NRG1: variants seen among roughly 807,000 people sequenced by gnomAD.
NRG1 encodes neuregulin 1, also known as pro-neuregulin-1, membrane-bound isoform.
In NRG1, 18 loss-of-function variants were observed where a neutral mutation model predicts 63.8. The observed-to-expected ratio is 0.28, with a 90% CI of 0.19 to 0.42. NRG1 has a LOEUF of 0.42. NRG1 is among the 10% of genes least tolerant of loss of function. The pLI is 1.00. For synonymous variants in NRG1, 302 were observed against 301.3 expected (o/e 1.00, Z -0.02); for missense variants, 762 against 814.7 (o/e 0.94, Z 0.79).
At chr8:32,203,281 G>A (rs531440642) in intron 1 of NRG1, among the ~76,000 whole-genome samples, 2 of 149,520 alleles carry the variant, frequency 1.3e-5, no homozygotes, top group South Asian at 4.3e-4. Flanking sequence ...AAGAAGAAAG[G>A]AAGAGAGAAA....
intron 1 of NRG1, among the ~76,000 whole-genome samples, chr8:32,462,254 C>T (rs1822408735): frequency 6.6e-6 from 1 of 152,130 alleles, no homozygotes; most frequent in Non-Finnish European, 1.5e-5. Flanking sequence ...GAGTGGCAAC[C>T]TCTGATTGGT....
At chr8:31,903,897 G>A (rs1022171167) in intron 1 of NRG1, among the ~76,000 whole-genome samples, 1 of 152,106 alleles carries the variant, frequency 6.6e-6, no homozygotes, top group African/African-American at 2.4e-5. Context: ...GATGTGGTGA[G>A]TTGAGATCAC....
chr8:31,663,937 C>T (rs1349703485), intron 1 of NRG1, among the ~76,000 whole-genome samples: 5 of 152,100 alleles, frequency 3.3e-5, no homozygotes, highest in Non-Finnish European at 7.3e-5. Context: ...ATTTTATCCA[C>T]ACCTCAAGCT....
chr8:32,535,891 CT>C (rs1455279859), intron 1 of NRG1, among the ~76,000 whole-genome samples: 4 of 152,158 alleles, frequency 2.6e-5, no homozygotes, highest in Non-Finnish European at 5.9e-5. Flanking sequence ...AGTAAAATGC[CT>C]GCCCAAATCC....
chr8:32,166,639 A>G (rs549073713), intron 1 of NRG1, among the ~76,000 whole-genome samples: 1 of 152,310 alleles, frequency 6.6e-6, no homozygotes, highest in East Asian at 1.9e-4. Context: ...GGGAGACAAC[A>G]TGGACCTCCC....
At position 31,730,228 on chromosome 8, in the gene NRG1, T is replaced by C. The variant is rs1813885572; in HGVS notation, c.37+90797T>C. Among the ~76,000 whole-genome samples, 6 of 152,208 alleles carry C rather than the reference T, an allele frequency of 3.9e-5. No homozygotes were observed. In the South Asian group the frequency reaches 1.2e-3, roughly 31 times the overall value. The stretch of plus-strand genomic sequence containing the variant: ...TCTGTAACCAAGATTCTGATAATTG[T>C]TGAGGAAGTAGTGAATTCAAGCTTA... On this transcript the variant is annotated intron_variant, in intron 1 of 10. Coordinates refer to the NRG1 transcript ENST00000519301.
intron 1 of NRG1, among the ~76,000 whole-genome samples, chr8:32,462,851 G>A (rs1433971920): frequency 6.6e-6 from 1 of 151,960 alleles, no homozygotes; most frequent in African/African-American, 2.4e-5. Flanking sequence ...TGATCCGCCT[G>A]CCTTGGCCTC....
intron 1 of NRG1, among the ~76,000 whole-genome samples, chr8:32,357,720 C>G (rs1554517551): frequency 6.6e-6 from 1 of 151,966 alleles, no homozygotes; most frequent in Non-Finnish European, 1.5e-5. Flanking sequence ...GACAATTTAT[C>G]TATTCACTAA....
chr8:32,212,082 A>G (rs570358996), intron 1 of NRG1, among the ~76,000 whole-genome samples: 12 of 152,196 alleles, frequency 7.9e-5, no homozygotes, highest in African/African-American at 2.9e-4. Context: ...TAACACAGGG[A>G]TATTAGGTAA....
chr8:32,488,518 G>T (rs1826168933), intron 1 of NRG1, among the ~76,000 whole-genome samples: 1 of 152,158 alleles, frequency 6.6e-6, no homozygotes, highest in Non-Finnish European at 1.5e-5. Context: ...GCTCACATCT[G>T]TAATCCTAGC....
chr8:31,811,302 A>G (rs1822861623), intron 1 of NRG1, among the ~76,000 whole-genome samples: 1 of 152,012 alleles, frequency 6.6e-6, no homozygotes, highest in Non-Finnish European at 1.5e-5. Flanking sequence ...CTTCTAGTAG[A>G]TTTCTCCTGT....
intron 1 of NRG1, among the ~76,000 whole-genome samples, chr8:32,170,208 A>G (rs1197157816): frequency 2.0e-5 from 3 of 152,178 alleles, no homozygotes; most frequent in Non-Finnish European, 4.4e-5. Flanking sequence ...AATCTGTGAT[A>G]CTCTGTTACA....
rs992472952 is a variant in NRG1 at position 32,708,734 on chromosome 8, C to G, written c.503-19215C>G. 5.9e-5 allele frequency among the ~76,000 whole-genome samples: 9 copies of G among 152,194 alleles called. No homozygotes were observed. The South Asian group carries it at 6.2e-4, about 11-fold the overall frequency. ...GTTGAAGTCACACAATAATTCTTTC[C>G]TTTCTCTCGGTTTCTCTCTTTTAAG... On this transcript the variant is annotated intron_variant, in intron 5 of 11. Coordinates refer to ENST00000356819, the Ensembl canonical transcript of NRG1.
chr8:32,448,408 T>C (rs554728804), intron 1 of NRG1, among the ~76,000 whole-genome samples: 10 of 152,326 alleles, frequency 6.6e-5, no homozygotes, highest in African/African-American at 1.9e-4. Flanking sequence ...GGGCTTAAAT[T>C]AGTGTAATCT....
At chr8:32,306,041 T>C (rs1023082322) in intron 1 of NRG1, among the ~76,000 whole-genome samples, 2 of 151,586 alleles carry the variant, frequency 1.3e-5, no homozygotes, top group African/African-American at 4.8e-5. Flanking sequence ...GCAGCTCAAG[T>C]ATCTTAGCAG....
At chr8:32,049,256 T>C (rs79957718) in intron 1 of NRG1, among the ~76,000 whole-genome samples, 8,471 of 152,158 alleles carry the variant, frequency 0.056, 786 homozygotes, top group African/African-American at 0.19. Flanking sequence ...TTGCTTGTAT[T>C]TAATCTTTCC....
At chr8:32,620,351 T>C (rs1848109012) in intron 5 of NRG1, among the ~76,000 whole-genome samples, 1 of 151,886 alleles carries the variant, frequency 6.6e-6, no homozygotes, top group Non-Finnish European at 1.5e-5. Context: ...CTCTCTGAAG[T>C]AGTATGGATT....
intron 1 of NRG1, among the ~76,000 whole-genome samples, chr8:32,002,702 G>A (rs1813130022): frequency 6.6e-6 from 1 of 152,036 alleles, no homozygotes; most frequent in South Asian, 2.1e-4. Context: ...CTATTGGGGT[G>A]CCCTTGCTTC....
At chr8:31,815,461 A>G (rs975571799) in intron 1 of NRG1, among the ~76,000 whole-genome samples, 7 of 152,142 alleles carry the variant, frequency 4.6e-5, no homozygotes, top group Non-Finnish European at 8.8e-5. Context: ...TCATCCATTT[A>G]TAGATATACC....
Sources: allele counts gnomAD v4.1 joint callset (sites outside exome capture counted in the v4.1 genomes callset), GRCh38; gene constraint gnomAD v4.1.1; transcripts MANE v1.5; gene names NCBI Gene and HGNC (gene_info 2026-07-23, HGNC 2026-07-21).